Variants in TEK observed in about 807,000 individuals in gnomAD.
TEK encodes angiopoietin-1 receptor.
TEK carries 43 observed loss-of-function variants against 131.8 expected under a neutral mutation model. That is an observed-to-expected ratio of 0.33 (90% CI 0.26 to 0.42). The LOEUF is 0.42. Among genes scored for constraint, TEK ranks in the 10% least tolerant of loss-of-function variants. The pLI, the probability that TEK is intolerant of heterozygous loss-of-function variation, is 1.00. For synonymous variants in TEK, 580 were observed against 491.6 expected (o/e 1.18, Z -2.38); for missense variants, 1,162 against 1,384.4 (o/e 0.84, Z 2.55).
At position 27,180,332 on chromosome 9, in the gene TEK, T is replaced by A; in HGVS notation, c.994T>A (p.Ser332Thr). The change falls in exon 7 of 23, where the codon TCT becomes ACT. Residue 332 changes from serine to threonine, a missense_variant. This residue lies in a region of TEK where 436 missense variants were observed against 539.1 expected (regional missense o/e 0.81). Coordinates refer to ENST00000380036, the MANE Select transcript of TEK (RefSeq NM_000459.5). The stretch of plus-strand genomic sequence containing the variant: ...TGATCGCTTCCAAGGATGTCTCTGC[T>A]CTCCAGGATGGCAGGGGCTCCAGTG... Reference protein sequence around the residue: ...MCDRFQGCLCSPGWQGLQCER... With the variant: ...MCDRFQGCLCTPGWQGLQCER... The A allele has an allele frequency of 1.9e-6, 3 of 1,613,604 alleles. No individual in the cohort carries two copies. Among genetic ancestry groups the A allele is most frequent in the Non-Finnish European group, 2.5e-6 (3 of 1,179,812 alleles).
Position 27,229,284 on chromosome 9 carries a change from T to A in TEK, c.*52T>A, listed in dbSNP as rs117748450. ...TCCCTTTCACTGGCATGGGAGACCCTTGACACCTGCTGAGAAAACATGCCT... is the reference window on the plus strand; with the variant it reads ...TCCCTTTCACTGGCATGGGAGACCCATGACACCTGCTGAGAAAACATGCCT... On this transcript the variant is annotated 3_prime_UTR_variant, in exon 23 of 23. Transcript: ENST00000380036. 15,067 of 1,552,010 alleles carry A rather than the reference T, an allele frequency of 9.7e-3. 94 individuals are homozygous for A. The highest frequency in any genetic ancestry group is 0.012 in the Non-Finnish European group (13,462 of 1,123,700).
At chr9:27,171,272 C>A (rs182277311) in intron 4 of TEK, among the ~76,000 whole-genome samples, 10 of 152,264 alleles carry the variant, frequency 6.6e-5, no homozygotes, top group African/African-American at 2.4e-4. Context: ...ATATTGAAGT[C>A]TTCAGGTCTA....
intron 21 of TEK, among the ~76,000 whole-genome samples, chr9:27,220,620 G>A (rs1826025937): frequency 3.3e-5 from 5 of 152,214 alleles, no homozygotes; most frequent in Admixed American, 3.3e-4. Context: ...CATCTCATAG[G>A]GACTGGTTAG....
chr9:27,125,119 AGAGTCAGCAGT>A (rs1821940921), intron 1 of TEK, among the ~76,000 whole-genome samples: 1 of 152,202 alleles, frequency 6.6e-6, no homozygotes, highest in Non-Finnish European at 1.5e-5. Flanking sequence ...TCTCACACCC[AGAGTCAGCAGT>A]GCTTTTCACA....
intron 1 of TEK, among the ~76,000 whole-genome samples, chr9:27,119,890 CGT>C (rs147218863): frequency 6.6e-6 from 1 of 151,096 alleles, no homozygotes; most frequent in African/African-American, 2.4e-5. Context: ...TGTGCACATG[CGT>C]GTGTGTGTGT....
intron 18 of TEK, among the ~76,000 whole-genome samples, chr9:27,215,543 G>T (rs917684175): frequency 6.8e-6 from 1 of 146,586 alleles, no homozygotes; most frequent in Non-Finnish European, 1.5e-5. Flanking sequence ...GGTCTAGGGT[G>T]AGAACCCTGC....
intron 1 of TEK, among the ~76,000 whole-genome samples, chr9:27,125,278 GGAAGCC>G (rs1430809573): frequency 2.0e-5 from 3 of 152,216 alleles, no homozygotes; most frequent in Admixed American, 1.3e-4. Flanking sequence ...TCTAGAGTAT[GGAAGCC>G]CATCAGTAAA....
intron 2 of TEK, among the ~76,000 whole-genome samples, chr9:27,158,609 T>C (rs2131121307): frequency 6.6e-6 from 1 of 151,940 alleles, no homozygotes; most frequent in African/African-American, 2.4e-5. Context: ...AAGGGGAATA[T>C]CCATCAGTAA....
intron 1 of TEK, among the ~76,000 whole-genome samples, chr9:27,114,904 A>C (rs1455944830): frequency 6.6e-6 from 1 of 152,192 alleles, no homozygotes; most frequent in African/African-American, 2.4e-5. Context: ...TGTGCCAATC[A>C]TTCATTCATT....
rs559473908 is a variant in TEK at position 27,180,291 on chromosome 9, A to G, written c.953A>G (p.Asn318Ser). 15 of 1,613,934 alleles carry G rather than the reference A, an allele frequency of 9.3e-6. No homozygotes were observed. Among genetic ancestry groups the G allele is most frequent in the Admixed American group, 3.3e-5 (2 of 60,000 alleles). The change falls in exon 7 of 23, where the codon AAC (asparagine) becomes AGC (serine). Residue 318 changes from asparagine (N) to serine (S), a missense_variant. Asn to Ser is a conservative substitution (Grantham distance 46, BLOSUM62 1). Coordinates refer to ENST00000380036, the MANE Select transcript of TEK (RefSeq NM_000459.5). ...GATTGTAAGCTTAGGTGCAGCTGCA[A>G]CAATGGGGAGATGTGTGATCGCTTC... Reference protein sequence around the residue: ...GPDCKLRCSCNNGEMCDRFQG... With the variant: ...GPDCKLRCSCSNGEMCDRFQG...
chr9:27,225,600 A>G (rs1826290401), intron 21 of TEK, among the ~76,000 whole-genome samples: 1 of 152,368 alleles, frequency 6.6e-6, no homozygotes, highest in South Asian at 2.1e-4. Flanking sequence ...GAGATGGATT[A>G]AAGACAAACG....
chr9:27,126,243 C>T (rs1821984231), intron 1 of TEK, among the ~76,000 whole-genome samples: 1 of 152,154 alleles, frequency 6.6e-6, no homozygotes, highest in East Asian at 1.9e-4. Context: ...TTACCTAACA[C>T]ATAAGTTTTC....
intron 1 of TEK, among the ~76,000 whole-genome samples, chr9:27,120,867 C>G (rs551300882): frequency 1.3e-5 from 2 of 152,338 alleles, no homozygotes; most frequent in African/African-American, 2.4e-5. Flanking sequence ...GTTTCAGATA[C>G]AGGCACCTTG....
At position 27,159,254 on chromosome 9, in the gene TEK, A is replaced by AT. The variant is rs531375792; in HGVS notation, c.364+1119dup. 8.5e-5 allele frequency among the ~76,000 whole-genome samples: 13 copies of AT among 152,104 alleles called. 1 individual carries two copies. The East Asian group carries it at 2.5e-3, about 30-fold the overall frequency. On this transcript the variant is annotated intron_variant, in intron 2 of 22. Transcript: ENST00000380036. ...GTTGCCAGGAGCCTCATGTGTTTCT[A>AT]TTTTTTTGTACCACTGCCATCTACA...
At chr9:27,138,875 A>C (rs1264016568) in intron 1 of TEK, among the ~76,000 whole-genome samples, 1 of 152,120 alleles carries the variant, frequency 6.6e-6, no homozygotes, top group Non-Finnish European at 1.5e-5. Flanking sequence ...GTACCAAGGA[A>C]CAGCTATGTA....
chr9:27,123,872 G>T (rs957759982), intron 1 of TEK, among the ~76,000 whole-genome samples: 8 of 152,196 alleles, frequency 5.3e-5, no homozygotes, highest in Admixed American at 5.2e-4. Flanking sequence ...CGCCTCTCAG[G>T]TTCAAGCTAT....
At chr9:27,123,866 T>C (rs1821891140) in intron 1 of TEK, among the ~76,000 whole-genome samples, 1 of 152,212 alleles carries the variant, frequency 6.6e-6, no homozygotes, top group South Asian at 2.1e-4. Context: ...AACCTCCGCC[T>C]CTCAGGTTCA....
At chr9:27,139,749 ATTTC>A (rs1160634258) in intron 1 of TEK, among the ~76,000 whole-genome samples, 1 of 151,930 alleles carries the variant, frequency 6.6e-6, no homozygotes, top group Non-Finnish European at 1.5e-5. Context: ...TGTATGGAAA[ATTTC>A]TTTTGTTGGG....
chr9:27,210,927 GCCAA>G (rs1825589572), intron 16 of TEK, among the ~76,000 whole-genome samples: 1 of 151,940 alleles, frequency 6.6e-6, no homozygotes, highest in Non-Finnish European at 1.5e-5. Context: ...GACCATCCTG[GCCAA>G]CCAACATGGT....
Sources: gnomAD v4.1 joint callset for allele counts (sites outside exome capture counted in the v4.1 genomes callset) on GRCh38, gnomAD v4.1.1 for gene constraint, gnomAD v4.1.1 regional missense constraint, MANE v1.5 for transcripts, NCBI Gene and HGNC (gene_info 2026-07-23, HGNC 2026-07-21) for gene names.